Variants in SGK3 observed in about 807,000 individuals in gnomAD.
The protein encoded by SGK3 is serum/glucocorticoid regulated kinase family member 3.
Under a neutral mutation model 68.5 loss-of-function variants are expected in SGK3, and 47 were observed. That is an observed-to-expected ratio of 0.69 (90% confidence interval 0.54 to 0.87). The LOEUF is 0.87. SGK3 is among the 40% of genes least tolerant of loss of function. The pLI is 0.00. For synonymous variants in SGK3, 181 were observed against 189.1 expected, an observed-to-expected ratio of 0.96 and a Z score of 0.35; for missense variants, 479 against 575.5, an observed-to-expected ratio of 0.83 and a Z score of 1.72.
intron 1 of SGK3, among the ~76,000 whole-genome samples, chr8:66,713,199 G>A (rs1172703255): frequency 6.6e-6 from 1 of 152,200 alleles, no homozygotes; most frequent in Non-Finnish European, 1.5e-5. Context: ...GCCAGAGTGG[G>A]GTGGATGGAA....
At chr8:66,842,958 C>T (rs1563656422) in intron 13 of SGK3, among the ~76,000 whole-genome samples, 1 of 152,086 alleles carries the variant, frequency 6.6e-6, no homozygotes, top group Non-Finnish European at 1.5e-5. Flanking sequence ...CTAGTCCCAG[C>T]TCCTCAGGAG....
chr8:66,830,987 A>G (rs1809279905), intron 7 of SGK3, among the ~76,000 whole-genome samples: 1 of 152,222 alleles, frequency 6.6e-6, no homozygotes, highest in Non-Finnish European at 1.5e-5. Flanking sequence ...CTTTTCTCCC[A>G]AAGAGAGTAT....
chr8:66,813,978 A>G, intron 5 of SGK3, 50 bp downstream of exon 5: 1 of 1,418,140 alleles, frequency 7.1e-7, no homozygotes, highest in Non-Finnish European at 9.5e-7. Flanking sequence ...TAAACCTAAG[A>G]ATACTGAATA....
At chr8:66,853,388 A>G (rs1195985118) in intron 16 of SGK3, among the ~76,000 whole-genome samples, 1 of 152,234 alleles carries the variant, frequency 6.6e-6, no homozygotes, top group African/African-American at 2.4e-5. Context: ...ATCTGTGGGA[A>G]AAACAGTTGA....
intron 13 of SGK3, among the ~76,000 whole-genome samples, chr8:66,842,791 G>A (rs978226870): frequency 1.3e-5 from 2 of 152,110 alleles, no homozygotes; most frequent in African/African-American, 2.4e-5. Flanking sequence ...TATTCTTGCC[G>A]GGTGCCGTGG....
chr8:66,812,827 CAA>C (rs1162749770), intron 4 of SGK3, among the ~76,000 whole-genome samples: 2 of 152,094 alleles, frequency 1.3e-5, no homozygotes, highest in East Asian at 3.8e-4. Flanking sequence ...GTAGGAAAGA[CAA>C]AGATATTTGA....
In SGK3 at chr8:66,840,214, C is replaced by T. The variant is rs1269790292; in HGVS notation, c.858C>T (p.Asp286=). The T allele has an allele frequency of 3.1e-6, 5 of 1,591,204 alleles. No individual in the cohort carries two copies. Among genetic ancestry groups the T allele is most frequent in the Non-Finnish European group, 4.3e-6 (5 of 1,170,062 alleles). Residue 286 remains aspartate, a synonymous_variant, in exon 12 of 17, where the codon GAC becomes GAT. Coordinates refer to ENST00000521198, the MANE Select transcript of SGK3 (RefSeq NM_001033578.3). ...TTCTTTCCTTTTAATTTGATAGAGA[C>T]TTGAAACCAGAAAATATTCTTTTGG... ...YLHSIKIVYR[D]LKPENILLDS...
intron 1 of SGK3, among the ~76,000 whole-genome samples, chr8:66,768,937 GTCTTT>G (rs1806413503): frequency 6.6e-6 from 1 of 152,124 alleles, no homozygotes; most frequent in South Asian, 2.1e-4. Flanking sequence ...TATATAACAT[GTCTTT>G]TCTTCTGGCT....
In SGK3 at chr8:66,861,781, A is replaced by C. The variant is rs1191905289; in HGVS notation, c.*2200A>C. 1 of 152,146 alleles carries C rather than the reference A, an allele frequency of 6.6e-6. No homozygotes were observed. Among genetic ancestry groups the C allele is most frequent in the East Asian group, 1.9e-4 (1 of 5,200 alleles). 9.4% of individuals were successfully genotyped at this position (152,146 alleles called of 1,614,324 possible). A position where few individuals can be genotyped will look rare whatever the true frequency, so the allele number is the denominator to read the frequency against. On this transcript the variant is annotated 3_prime_UTR_variant, in exon 17 of 17. Coordinates refer to ENST00000521198, the MANE Select transcript of SGK3 (RefSeq NM_001033578.3). ...GTAAGACTTTAATATCTATACTGTAAATATTTGGTTTATTTGGCACTACTG... is the reference window on the plus strand; with the variant it reads ...GTAAGACTTTAATATCTATACTGTACATATTTGGTTTATTTGGCACTACTG...
chr8:66,848,070 T>A (rs957611905), intron 15 of SGK3, among the ~76,000 whole-genome samples: 24 of 152,160 alleles, frequency 1.6e-4, no homozygotes, highest in Non-Finnish European at 2.5e-4. Flanking sequence ...GCTTATCAAT[T>A]TTGAACTTGA....
rs1265892532 is a variant in SGK3, at chr8:66,779,588, ATATATATATATAT to A, written c.-121-14027_-121-14015del. ...TATATATATATATATATATATATAT[ATATATATATATAT>A]AAAACACATTTTTTATATATATACG... On this transcript the variant is annotated intron_variant, in intron 1 of 16. Coordinates refer to ENST00000521198, the MANE Select transcript of SGK3 (RefSeq NM_001033578.3). 4.1e-3 allele frequency among the ~76,000 whole-genome samples: 564 copies of A among 137,448 alleles called. 3 individuals carry two copies. Among genetic ancestry groups the A allele is most frequent in the Middle Eastern group, 0.015 (4 of 272 alleles). 90.2% of individuals were successfully genotyped at this position (137,448 alleles called of 152,430 possible).
rs537702189 is a variant in SGK3 at position 66,828,979 on chromosome 8, T to C, written c.467+276T>C. Among the ~76,000 whole-genome samples, 103 of 151,254 alleles carry C rather than the reference T, an allele frequency of 6.8e-4. 1 individual carries two copies. Among genetic ancestry groups the C allele is most frequent in the African/African-American group, 2.5e-3 (102 of 41,160 alleles). The stretch of plus-strand genomic sequence containing the variant: ...TGGGTGGGTGGGGGGTGTGTGTGTG[T>C]GTGTGTGTGTGTGTGTGTGTCTAAA... On this transcript the variant is annotated intron_variant, in intron 7 of 16. Coordinates refer to ENST00000521198, the MANE Select transcript of SGK3 (RefSeq NM_001033578.3).
rs111758415 is a variant in SGK3 at position 66,857,799 on chromosome 8, ATGTGTGTGTGTGTGTG to A, written c.1321-1584_1321-1569del. On this transcript the variant is annotated intron_variant, in intron 16 of 16. Transcript: ENST00000521198. ...CCCTGTCTCAAAAAAGTGTGTGTGTATGTGTGTGTGTGTGTGTGTGTGTGTGTGTGTGTGTGTGTGT... is the reference window on the plus strand; with the variant it reads ...CCCTGTCTCAAAAAAGTGTGTGTGTATGTGTGTGTGTGTGTGTGTGTGTGT... Among the ~76,000 whole-genome samples, 1,258 of 133,820 alleles carry A rather than the reference ATGTGTGTGTGTGTGTG, an allele frequency of 9.4e-3. 16 individuals carry two copies. Among genetic ancestry groups the A allele is most frequent in the African/African-American group, 0.033 (1,191 of 36,516 alleles). 87.8% of individuals were successfully genotyped at this position (133,820 alleles called of 152,430 possible).
intron 1 of SGK3, among the ~76,000 whole-genome samples, chr8:66,746,419 A>C (rs907624383): frequency 3.3e-5 from 5 of 152,156 alleles, no homozygotes; most frequent in African/African-American, 1.2e-4. Context: ...ACATCATTTA[A>C]AATGGAGAGA....
chr8:66,737,617 CTTTTT>C (rs552425622), intron 1 of SGK3: 4 of 135,892 alleles, frequency 2.9e-5, no homozygotes, highest in Admixed American at 7.5e-5. Context: ...ACCCCTTTAT[CTTTTT>C]TTTTTTTTTT....
At chr8:66,793,963 G>A in intron 2 of SGK3, 131 bp downstream of exon 2, 1 of 968,530 alleles carries the variant, frequency 1.0e-6, no homozygotes, top group East Asian at 2.8e-5. Flanking sequence ...TCTTTCACAT[G>A]ATCTGTTCTC....
At chr8:66,732,790 A>C (rs1805204796) in intron 1 of SGK3, among the ~76,000 whole-genome samples, 1 of 152,182 alleles carries the variant, frequency 6.6e-6, no homozygotes, top group African/African-American at 2.4e-5. Context: ...GGTTGCAGTG[A>C]GCCGAGATGG....
intron 1 of SGK3, among the ~76,000 whole-genome samples, chr8:66,785,565 C>T (rs1807164727): frequency 6.6e-6 from 1 of 152,132 alleles, no homozygotes; most frequent in African/African-American, 2.4e-5. Context: ...CCCGCCACTC[C>T]CCCACCCCAC....
chr8:66,810,815 A>T (rs16933060), intron 4 of SGK3, among the ~76,000 whole-genome samples: 9,628 of 152,120 alleles, frequency 0.063, 350 homozygotes, highest in African/African-American at 0.092. Context: ...TATCTTTTTG[A>T]GTTCTTATAC....
Sources: gnomAD v4.1 joint callset for allele counts (sites outside exome capture counted in the v4.1 genomes callset) on GRCh38, gnomAD v4.1.1 for gene constraint, MANE v1.5 for transcripts, NCBI Gene and HGNC (gene_info 2026-07-23, HGNC 2026-07-21) for gene names.